The following PCBP3 variants were observed in gnomAD, a reference collection of about 807,000 sequenced individuals.
PCBP3 encodes poly(rC) binding protein 3, also known as poly(rC)-binding protein 3.
A neutral mutation model predicts 52.7 loss-of-function variants in PCBP3; 25 were observed. The ratio of observed to expected loss-of-function variants is 0.47; its 90% confidence interval spans 0.35 to 0.66. PCBP3 has a LOEUF of 0.66. Ranked by LOEUF, PCBP3 falls within the 30% of genes least tolerant of loss-of-function variation. The pLI is 0.01. For missense variants in PCBP3, 391 were observed against 490.3 expected (o/e 0.80, Z 1.91); for synonymous variants, 162 against 183.0 (o/e 0.89, Z 0.93).
chr21:45,647,222 C>G (rs1055972549), intron 1 of PCBP3, among the ~76,000 whole-genome samples: 2 of 152,202 alleles, frequency 1.3e-5, no homozygotes, highest in Non-Finnish European at 2.9e-5. Context: ...ACCCAGGTTA[C>G]TCTTTGACAT....
At chr21:45,862,352 T>TAAA in intron 5 of PCBP3, among the ~76,000 whole-genome samples, 1 of 152,304 alleles carries the variant, frequency 6.6e-6, no homozygotes, top group South Asian at 2.1e-4. Flanking sequence ...TGCTCCCTTT[T>TAAA]ATGCAGACTT....
chr21:45,707,857 G>A (rs938111894), intron 2 of PCBP3, among the ~76,000 whole-genome samples: 8 of 152,180 alleles, frequency 5.3e-5, no homozygotes, highest in Admixed American at 6.5e-5. Context: ...AAGACCCCAC[G>A]CTGAAGCATC....
At chr21:45,848,854 C>T (rs1240776459) in intron 4 of PCBP3, among the ~76,000 whole-genome samples, 2 of 152,164 alleles carry the variant, frequency 1.3e-5, no homozygotes, top group African/African-American at 2.4e-5. Flanking sequence ...GGAGTGTCTG[C>T]GACTTGGAGA....
At chr21:45,685,216 A>G (rs1023689728) in intron 2 of PCBP3, among the ~76,000 whole-genome samples, 1 of 152,192 alleles carries the variant, frequency 6.6e-6, no homozygotes, top group Non-Finnish European at 1.5e-5. Flanking sequence ...AGAAAATAAC[A>G]TGGGGAATGG....
chr21:45,785,357 C>T, intron 4 of PCBP3, among the ~76,000 whole-genome samples: 1 of 149,768 alleles, frequency 6.7e-6, no homozygotes, highest in East Asian at 2.0e-4. Flanking sequence ...CAGCCCCCCG[C>T]CCGGCCAGCC....
intron 4 of PCBP3, among the ~76,000 whole-genome samples, chr21:45,775,063 T>C (rs2090151448): frequency 3.9e-5 from 6 of 152,194 alleles, no homozygotes; most frequent in Admixed American, 2.0e-4. Context: ...TTTGATATTT[T>C]GGAGTAGTTT....
intron 4 of PCBP3, among the ~76,000 whole-genome samples, chr21:45,774,034 T>C (rs1381132630): frequency 2.0e-5 from 3 of 152,218 alleles, no homozygotes; most frequent in Non-Finnish European, 4.4e-5. Flanking sequence ...TAGATCACTA[T>C]TGGTGTGTGG....
intron 3 of PCBP3, among the ~76,000 whole-genome samples, chr21:45,752,685 C>T (rs2087630939): frequency 6.6e-6 from 1 of 151,562 alleles, no homozygotes; most frequent in South Asian, 2.1e-4. Flanking sequence ...CATTGTGGAC[C>T]AGGTGATCTC....
Position 45,906,043 on chromosome 21 carries a change from T to A in PCBP3, c.340-3312T>A, listed in dbSNP as rs147900427. 1.2e-3 allele frequency among the ~76,000 whole-genome samples: 181 copies of A among 152,234 alleles called. 1 individual carries two copies. Among genetic ancestry groups the A allele is most frequent in the Admixed American group, 5.1e-3 (78 of 15,294 alleles). On this transcript the variant is annotated intron_variant, in intron 9 of 17. Coordinates refer to ENST00000681687, the MANE Select transcript of PCBP3 (RefSeq NM_001384156.1). ...AACTGAATCGCTAGGGAGATTTAGG[T>A]CTTCTAAGTCTTAATGAGGACCTGG...
intron 4 of PCBP3, among the ~76,000 whole-genome samples, chr21:45,774,181 G>C (rs2090083055): frequency 6.6e-6 from 1 of 151,932 alleles, no homozygotes; most frequent in South Asian, 2.1e-4. Context: ...GAAGTGGGCA[G>C]ATCACAAGGT....
chr21:45,651,090 C>G (rs1042221431), intron 1 of PCBP3, among the ~76,000 whole-genome samples: 2 of 152,142 alleles, frequency 1.3e-5, no homozygotes, highest in African/African-American at 4.8e-5. Context: ...TTGTGAGACC[C>G]TAAGCAGAGG....
At chr21:45,849,459 G>A (rs966018608) in intron 4 of PCBP3, among the ~76,000 whole-genome samples, 3 of 151,950 alleles carry the variant, frequency 2.0e-5, no homozygotes, top group African/African-American at 7.3e-5. Flanking sequence ...TCCCGTCTTG[G>A]CCTCCCAAAG....
At chr21:45,785,527 G>A (rs1197680671) in intron 4 of PCBP3, among the ~76,000 whole-genome samples, 5 of 147,348 alleles carry the variant, frequency 3.4e-5, no homozygotes, top group African/African-American at 1.3e-4. Context: ...TCAGCCCCCC[G>A]CCCGGCCAGC....
chr21:45,902,225 G>C (rs955176461), intron 9 of PCBP3, among the ~76,000 whole-genome samples: 5 of 152,084 alleles, frequency 3.3e-5, no homozygotes, highest in African/African-American at 7.3e-5. Flanking sequence ...CTGCAGCAGA[G>C]CCTGTGGCCT....
At chr21:45,940,757 G>T (rs373813510) in intron 17 of PCBP3, among the ~76,000 whole-genome samples, 1 of 128,474 alleles carries the variant, frequency 7.8e-6, no homozygotes, top group African/African-American at 3.5e-5. Context: ...CAGTCCCCCC[G>T]CCAGGCATGC....
intron 5 of PCBP3, among the ~76,000 whole-genome samples, chr21:45,868,819 A>C (rs914831737): frequency 9.2e-5 from 14 of 152,172 alleles, no homozygotes; most frequent in Admixed American, 9.2e-4. Flanking sequence ...TCCTCACCCA[A>C]GCCAGGGCTT....
At chr21:45,776,512 A>G (rs985454478) in intron 4 of PCBP3, among the ~76,000 whole-genome samples, 11 of 150,106 alleles carry the variant, frequency 7.3e-5, no homozygotes, top group Admixed American at 5.3e-4. Flanking sequence ...CCCTCTTTAG[A>G]TCTAGTAATG....
chr21:45,681,945 T>A (rs958276128), intron 2 of PCBP3, among the ~76,000 whole-genome samples: 7 of 152,066 alleles, frequency 4.6e-5, no homozygotes, highest in African/African-American at 1.7e-4. Context: ...AGATATAATA[T>A]AGACCAAAAA....
intron 9 of PCBP3, among the ~76,000 whole-genome samples, chr21:45,902,880 A>G (rs2096099696): frequency 1.3e-5 from 2 of 152,234 alleles, no homozygotes; most frequent in South Asian, 4.1e-4. Flanking sequence ...TGTCCCGAAT[A>G]ACTTCTGCTG....
Sources: allele counts gnomAD v4.1 joint callset (sites outside exome capture counted in the v4.1 genomes callset), GRCh38; gene constraint gnomAD v4.1.1; transcripts MANE v1.5; gene names NCBI Gene and HGNC (gene_info 2026-07-23, HGNC 2026-07-21).